The following ZCCHC4 variants were observed in gnomAD, a reference collection of about 807,000 sequenced individuals.
ZCCHC4 encodes rRNA N(6)-adenosine-methyltransferase ZCCHC4.
In ZCCHC4, 54 loss-of-function variants were observed where a neutral mutation model predicts 67.7. The observed-to-expected ratio is 0.80, with a 90% CI of 0.64 to 1.00. The LOEUF (loss-of-function observed/expected upper bound fraction) is 1.00. Ranked by LOEUF, ZCCHC4 falls within the 50% of genes least tolerant of loss-of-function variation. The pLI, the probability that ZCCHC4 is intolerant of heterozygous loss-of-function variation, is 0.00. For missense variants in ZCCHC4, 609 were observed against 617.0 expected, an observed-to-expected ratio of 0.99 and a Z score of 0.14; for synonymous variants, 198 against 213.5, an observed-to-expected ratio of 0.93 and a Z score of 0.63.
chr4:25,317,231 G>T (rs931312859), intron 3 of ZCCHC4, among the ~76,000 whole-genome samples: 6 of 152,124 alleles, frequency 3.9e-5, no homozygotes, highest in African/African-American at 1.2e-4. Context: ...AAGCACAGAG[G>T]AGTACTGGGG....
intron 6 of ZCCHC4, among the ~76,000 whole-genome samples, chr4:25,346,301 G>A (rs995220044): frequency 6.6e-5 from 10 of 151,926 alleles, no homozygotes; most frequent in Non-Finnish European, 2.9e-5. Context: ...TAATGTCACT[G>A]AGAATAAACA....
At chr4:25,334,437 C>T (rs1329371352) in intron 5 of ZCCHC4, among the ~76,000 whole-genome samples, 1 of 152,122 alleles carries the variant, frequency 6.6e-6, no homozygotes, top group Non-Finnish European at 1.5e-5. Flanking sequence ...TGAACATAGC[C>T]TGGAGTGAAG....
Position 25,365,129 on chromosome 4 carries a change from A to G in ZCCHC4, c.1369A>G (p.Thr457Ala), listed in dbSNP as rs1456162597. The change falls in exon 12 of 13, where the codon ACT becomes GCT. Residue 457 changes from threonine to alanine, a missense_variant. Coordinates refer to ENST00000302874, the MANE Select transcript of ZCCHC4 (RefSeq NM_024936.3). ...ICGELDHKRS[T>A]CPNIATSKRA... ...TGGTGAACTGGATCATAAACGCAGT[A>G]CTTGTCCTAACATTGCTACATCTAA... The G allele has an allele frequency of 1.2e-6, 2 of 1,614,206 alleles. No homozygotes were observed. Among genetic ancestry groups the G allele is most frequent in the African/African-American group, 1.3e-5 (1 of 75,068 alleles).
intron 3 of ZCCHC4, among the ~76,000 whole-genome samples, chr4:25,325,804 A>G (rs1224162009): frequency 1.3e-5 from 2 of 152,172 alleles, no homozygotes; most frequent in African/African-American, 4.8e-5. Flanking sequence ...TCCTAGAGTT[A>G]GGTCTATGAT....
chr4:25,333,784 C>T lies in ZCCHC4; in HGVS notation c.606-124C>T, dbSNP rs889581799. Reference sequence around the variant, plus strand: ...AAACCTTGATTATACCTGCCAAATTCTCTTCAGTGTTTCATTGAAATATCA... The same window carrying T: ...AAACCTTGATTATACCTGCCAAATTTTCTTCAGTGTTTCATTGAAATATCA... On this transcript the variant is annotated intron_variant, in intron 4 of 12. Transcript: ENST00000302874. 3.3e-5 allele frequency: 25 copies of T among 747,434 alleles called. No individual in the cohort carries two copies. The East Asian group carries it at 6.7e-4, about 20-fold the overall frequency. The allele number at this position is 747,434 out of a possible 1,614,324, so 46.3% of individuals were successfully genotyped here. A position where few individuals can be genotyped will look rare whatever the true frequency, so the allele number is the denominator to read the frequency against.
chr4:25,346,828 G>C (rs1720044456), intron 6 of ZCCHC4, among the ~76,000 whole-genome samples: 1 of 151,606 alleles, frequency 6.6e-6, no homozygotes, highest in Non-Finnish European at 1.5e-5. Flanking sequence ...AGGAAAATGG[G>C]AGTTGAAAGT....
chr4:25,331,834 A>G (rs992833246), intron 3 of ZCCHC4, among the ~76,000 whole-genome samples: 3 of 152,214 alleles, frequency 2.0e-5, no homozygotes, highest in Non-Finnish European at 2.9e-5. Flanking sequence ...AAATAGAAAC[A>G]TTTAAATTAC....
At chr4:25,326,686 T>G (rs1380854807) in intron 3 of ZCCHC4, among the ~76,000 whole-genome samples, 1 of 152,206 alleles carries the variant, frequency 6.6e-6, no homozygotes, top group Non-Finnish European at 1.5e-5. Context: ...CCTTTTTATT[T>G]TCATATGAAT....
intron 6 of ZCCHC4, among the ~76,000 whole-genome samples, chr4:25,345,984 A>G (rs1353904292): frequency 2.0e-5 from 3 of 152,140 alleles, no homozygotes; most frequent in Admixed American, 1.3e-4. Context: ...CACCGCAGGG[A>G]AGGTCCATGC....
rs1250880951 is a variant in ZCCHC4, at chr4:25,361,918, C to T, written c.1071C>T (p.Pro357=). ...KHGKTGRKQS[P]VRIFTNIPPN... ...GAAAGACAGGTCGAAAACAGTCTCC[C>T]GTGCGTATTTTCACCAACATTCCGC... The change falls in exon 9 of 13, where the codon CCC becomes CCT. Residue 357 remains proline, a synonymous_variant. Coordinates refer to ENST00000302874, the MANE Select transcript of ZCCHC4 (RefSeq NM_024936.3). The T allele has an allele frequency of 5.5e-5, 88 of 1,613,724 alleles. No homozygotes were observed. The highest frequency in any genetic ancestry group is 1.6e-4 in the East Asian group (7 of 44,886).
intron 8 of ZCCHC4, among the ~76,000 whole-genome samples, chr4:25,356,782 CATT>C (rs1353600306): frequency 6.6e-6 from 1 of 152,010 alleles, no homozygotes; most frequent in Non-Finnish European, 1.5e-5. Context: ...TTAGGGGAAA[CATT>C]ATGAATTTAA....
rs547462792 is a variant in ZCCHC4 at position 25,336,254 on chromosome 4, T to C, written c.686+2266T>C. 1.9e-3 allele frequency among the ~76,000 whole-genome samples: 290 copies of C among 152,218 alleles called. 3 individuals are homozygous for C. The highest frequency in any genetic ancestry group is 2.4e-3 in the Non-Finnish European group (166 of 68,034). ...TAATAAAATCTATGACCTTTGTGGC[T>C]GGCTTCTTTCACTTAGCATCATGTT... On this transcript the variant is annotated intron_variant, in intron 5 of 12. Coordinates refer to ENST00000302874, the MANE Select transcript of ZCCHC4 (RefSeq NM_024936.3).
At chr4:25,342,494 A>C (rs1409437854) in intron 5 of ZCCHC4, among the ~76,000 whole-genome samples, 1 of 152,208 alleles carries the variant, frequency 6.6e-6, no homozygotes, top group Non-Finnish European at 1.5e-5. Context: ...GAAAGATGTG[A>C]AACTCTATTT....
chr4:25,350,902 T>C (rs1720270209), intron 7 of ZCCHC4, among the ~76,000 whole-genome samples: 1 of 152,172 alleles, frequency 6.6e-6, no homozygotes, highest in African/African-American at 2.4e-5. Flanking sequence ...ATCTGTAAAA[T>C]GGGATAACAT....
At chr4:25,350,639 AT>A (rs1720260216) in intron 7 of ZCCHC4, among the ~76,000 whole-genome samples, 2 of 152,172 alleles carry the variant, frequency 1.3e-5, no homozygotes, top group South Asian at 4.1e-4. Context: ...AAGTTGATAA[AT>A]TTGTTAAGAG....
At chr4:25,363,912 G>A (rs1720849096) in intron 10 of ZCCHC4, among the ~76,000 whole-genome samples, 1 of 152,024 alleles carries the variant, frequency 6.6e-6, no homozygotes. Flanking sequence ...GTTTCCAGAG[G>A]GCTGGTGGTA....
rs544985023 is a variant in ZCCHC4, at chr4:25,357,316, C to T, written c.1012-4543C>T. On this transcript the variant is annotated intron_variant, in intron 8 of 12. Coordinates refer to ENST00000302874, the MANE Select transcript of ZCCHC4 (RefSeq NM_024936.3). ...TGAACTAGTTTTATCAACGTCTCTC[C>T]TGAAATGTAGTGACTGAACACAGGG... Among the ~76,000 whole-genome samples the T allele has an allele frequency of 4.6e-5, 7 of 152,302 alleles. 1 individual carries two copies. In the South Asian group the frequency reaches 1.5e-3, roughly 32 times the overall value.
chr4:25,314,948 C>T (rs778965618), intron 2 of ZCCHC4, among the ~76,000 whole-genome samples: 1 of 152,154 alleles, frequency 6.6e-6, no homozygotes, highest in Non-Finnish European at 1.5e-5. Context: ...CTCTTGAACT[C>T]GGCTCCAGTT....
intron 8 of ZCCHC4, among the ~76,000 whole-genome samples, chr4:25,361,473 T>TGTGA (rs1258667183): frequency 1.3e-5 from 2 of 152,238 alleles, no homozygotes; most frequent in African/African-American, 4.8e-5. Flanking sequence ...AACCACGCCA[T>TGTGA]GTGAGGCTCA....
Sources: allele counts gnomAD v4.1 joint callset (sites outside exome capture counted in the v4.1 genomes callset), GRCh38; gene constraint gnomAD v4.1.1; transcripts MANE v1.5; gene names NCBI Gene and HGNC (gene_info 2026-07-23, HGNC 2026-07-21).